ENOX2: variants seen among roughly 807,000 people sequenced by gnomAD.
ENOX2 encodes the protein ecto-NOX disulfide-thiol exchanger 2.
Under a neutral mutation model 45.0 loss-of-function variants are expected in ENOX2, and 36 were observed. The observed-to-expected ratio is 0.80, with a 90% CI of 0.61 to 1.06. The LOEUF is 1.06. Ranked by LOEUF, ENOX2 falls within the 50% of genes least tolerant of loss-of-function variation. The pLI, the probability that ENOX2 is intolerant of heterozygous loss-of-function variation, is 0.00. For synonymous variants in ENOX2, 174 were observed against 152.3 expected, an observed-to-expected ratio of 1.14 and a Z score of -1.05; for missense variants, 423 against 462.5, an observed-to-expected ratio of 0.91 and a Z score of 0.78.
At chrX:130,836,512 G>A (rs1251956980) in intron 2 of ENOX2, among the ~76,000 whole-genome samples, 1 of 111,390 alleles carries the variant, frequency 9.0e-6, no homozygotes, top group Non-Finnish European at 1.9e-5. Flanking sequence ...TTCTACAGGG[G>A]GTTTTCAGCA....
At chrX:130,761,505 T>G (rs2039489804) in intron 3 of ENOX2, among the ~76,000 whole-genome samples, 1 of 112,128 alleles carries the variant, frequency 8.9e-6, no homozygotes, top group East Asian at 2.8e-4. Flanking sequence ...ATTCTTGTAT[T>G]GCTATAAATA....
chrX:130,898,940 T>C (rs982611413), intron 2 of ENOX2, among the ~76,000 whole-genome samples: 2 of 110,697 alleles, frequency 1.8e-5, no homozygotes, highest in African/African-American at 6.6e-5. Context: ...CAAATTATAG[T>C]CCCAGCAGCA....
At chrX:130,719,476 A>C (rs2038418240) in intron 3 of ENOX2, among the ~76,000 whole-genome samples, 1 of 110,332 alleles carries the variant, frequency 9.1e-6, no homozygotes, top group Admixed American at 9.7e-5. Flanking sequence ...AAAAAAAAAA[A>C]AAACCAGACA....
intron 3 of ENOX2, among the ~76,000 whole-genome samples, chrX:130,746,484 T>C (rs976428778): frequency 1.8e-5 from 2 of 112,055 alleles, no homozygotes; most frequent in South Asian, 3.8e-4. Flanking sequence ...GATAGTAAGA[T>C]AACAGCTGCA....
chrX:130,629,430 A>AG (rs2035635573), intron 13 of ENOX2, among the ~76,000 whole-genome samples: 1 of 112,741 alleles, frequency 8.9e-6, no homozygotes, highest in South Asian at 3.7e-4. Flanking sequence ...TCTTGAAAAA[A>AG]CAAAACAAGA....
intron 2 of ENOX2, among the ~76,000 whole-genome samples, chrX:130,806,685 C>T (rs1176077533): frequency 1.8e-5 from 2 of 111,943 alleles, no homozygotes; most frequent in East Asian, 5.6e-4. Context: ...ACTAAAATAA[C>T]CTCATTAATT....
intron 12 of ENOX2, 73 bp from the exon 13 acceptor site, chrX:130,631,649 C>G (rs776687471): frequency 3.6e-6 from 2 of 560,350 alleles, no homozygotes; most frequent in South Asian, 5.3e-5. Context: ...AACTACACAA[C>G]AGGTAACTTA....
At chrX:130,704,512 GCCATAGAAAAAT>G (rs2037987276) in intron 3 of ENOX2, among the ~76,000 whole-genome samples, 1 of 111,011 alleles carries the variant, frequency 9.0e-6, no homozygotes, top group African/African-American at 3.3e-5. Context: ...ACTACTGATA[GCCATAGAAAAAT>G]CTTTCTATGG....
intron 3 of ENOX2, among the ~76,000 whole-genome samples, chrX:130,720,220 T>C (rs1424959595): frequency 1.8e-5 from 2 of 112,464 alleles, no homozygotes; most frequent in African/African-American, 6.5e-5. Context: ...TATTCTCTCA[T>C]AGAGAGTGTT....
At chrX:130,769,289 C>T (rs769805190) in intron 3 of ENOX2, among the ~76,000 whole-genome samples, 8 of 111,444 alleles carry the variant, frequency 7.2e-5, no homozygotes, top group Non-Finnish European at 1.5e-4. Flanking sequence ...ATCTAAATAC[C>T]TATCAATCCA....
At chrX:130,759,574 T>C (rs1424638878) in intron 3 of ENOX2, among the ~76,000 whole-genome samples, 3 of 64,523 alleles carry the variant, frequency 4.6e-5, no homozygotes, top group African/African-American at 2.2e-4. Context: ...CGAGACTATG[T>C]ACCAAAAAAA....
intron 3 of ENOX2, among the ~76,000 whole-genome samples, chrX:130,771,988 C>T (rs1258858463): frequency 1.8e-5 from 2 of 111,823 alleles, no homozygotes; most frequent in Non-Finnish European, 3.8e-5. Context: ...CAGTTAGGGG[C>T]CCAGAAGGAA....
At chrX:130,670,223 G>C (rs373180946) in intron 6 of ENOX2, 25 bp from the exon 7 acceptor site, 1 of 1,033,315 alleles carries the variant, frequency 9.7e-7, no homozygotes, top group East Asian at 3.0e-5. Flanking sequence ...GGGTGAAAGG[G>C]AGAGGAGAGA....
chrX:130,678,171 T>A (rs1365461867), intron 6 of ENOX2, among the ~76,000 whole-genome samples: 1 of 110,953 alleles, frequency 9.0e-6, no homozygotes, highest in Non-Finnish European at 1.9e-5. Context: ...AATCTGAATT[T>A]TTACTATAAA....
chrX:130,631,461 T>TCCTC lies in ENOX2; in HGVS notation c.1528+6_1528+7insGAGG. ...TGTACGTGGCATGTGTGCATTAGCTTCCTTACCCACTAGCAGTGCTTCACG... is the reference window on the plus strand; with the variant it reads ...TGTACGTGGCATGTGTGCATTAGCTTCCTCCCTTACCCACTAGCAGTGCTTCACG... On this transcript the variant is annotated splice_region_variant and intron_variant, in intron 13 of 14. Transcript: ENST00000394363. 2.8e-6 allele frequency: 3 copies of TCCTC among 1,085,144 alleles called. No individual in the cohort carries two copies. The highest frequency in any genetic ancestry group is 3.8e-6 in the Non-Finnish European group (3 of 780,130). The allele number at this position is 1,085,144 out of a possible 1,213,427, so 89.4% of individuals were successfully genotyped here.
At chrX:130,755,724 G>C (rs2039338621) in intron 3 of ENOX2, among the ~76,000 whole-genome samples, 1 of 111,285 alleles carries the variant, frequency 9.0e-6, no homozygotes, top group Non-Finnish European at 1.9e-5. Flanking sequence ...TATCCTCTGT[G>C]TTACAAGCAA....
intron 4 of ENOX2, among the ~76,000 whole-genome samples, chrX:130,689,734 G>A (rs2037542479): frequency 9.0e-6 from 1 of 111,632 alleles, no homozygotes; most frequent in Non-Finnish European, 1.9e-5. Context: ...GCCTCTAAAA[G>A]CTATAGGTTC....
At chrX:130,677,228 T>C (rs1047330309) in intron 6 of ENOX2, among the ~76,000 whole-genome samples, 1 of 112,177 alleles carries the variant, frequency 8.9e-6, no homozygotes, top group African/African-American at 3.2e-5. Context: ...TCCTCCTCCA[T>C]GGCACTTATA....
intron 2 of ENOX2, among the ~76,000 whole-genome samples, chrX:130,825,844 T>C (rs1192214622): frequency 9.0e-6 from 1 of 110,914 alleles, no homozygotes; most frequent in Non-Finnish European, 1.9e-5. Flanking sequence ...TAAGATATTA[T>C]GAGAGAGAGA....
Sources: gnomAD v4.1 joint callset for allele counts (sites outside exome capture counted in the v4.1 genomes callset) on GRCh38, gnomAD v4.1.1 for gene constraint, MANE v1.5 for transcripts, NCBI Gene and HGNC (gene_info 2026-07-23, HGNC 2026-07-21) for gene names.